The following RANBP2 variants were observed in gnomAD, a reference collection of about 807,000 sequenced individuals.
RANBP2 encodes the protein RAN binding protein 2.
RANBP2 carries 57 observed loss-of-function variants against 303.6 expected under a neutral mutation model. That is an observed-to-expected ratio of 0.19 (90% CI 0.15 to 0.23). RANBP2 has a LOEUF of 0.23. Among genes scored for constraint, RANBP2 ranks in the 10% least tolerant of loss-of-function variants. RANBP2 has a pLI of 1.00. For synonymous variants in RANBP2, 1,167 were observed against 1,301.5 expected (o/e 0.90, Z 2.23); for missense variants, 3,138 against 3,780.8 (o/e 0.83, Z 4.46).
At chr2:109,516,956 TGAG>T in the RANBP2 span, among the ~76,000 whole-genome samples, 2 of 152,048 alleles carry the variant, frequency 1.3e-5, no homozygotes, top group Non-Finnish European at 2.9e-5. Flanking sequence ...CTCAGCAAAA[TGAG>T]CCCCAGCCCA....
At chr2:109,221,542 A>G in the RANBP2 span, among the ~76,000 whole-genome samples, 19 of 148,798 alleles carry the variant, frequency 1.3e-4, no homozygotes, top group Admixed American at 1.4e-4. Flanking sequence ...CGATCGCGCC[A>G]GTGCACTCCA....
the RANBP2 span, among the ~76,000 whole-genome samples, chr2:109,063,496 G>C: frequency 5.9e-5 from 9 of 152,286 alleles, no homozygotes; most frequent in African/African-American, 2.2e-4. Context: ...AGGCCCCCGC[G>C]TGGCTGCAAG....
intron 1 of RANBP2, among the ~76,000 whole-genome samples, chr2:108,725,993 T>TA: frequency 6.6e-6 from 1 of 152,294 alleles, no homozygotes; most frequent in South Asian, 2.1e-4. Flanking sequence ...ATTGCTTTCT[T>TA]AATTTCCTTT....
At chr2:109,519,393 C>T in the RANBP2 span, among the ~76,000 whole-genome samples, 5 of 152,328 alleles carry the variant, frequency 3.3e-5, no homozygotes, top group South Asian at 2.1e-4. Flanking sequence ...GGTGAGGACA[C>T]GATCCAAACC....
chr2:109,794,697 C>A, the RANBP2 span: 27 of 743,414 alleles, frequency 3.6e-5, no homozygotes, highest in African/African-American at 6.6e-4. Flanking sequence ...GTTGAGGCGC[C>A]GGCCGGCTGG....
At chr2:108,907,974 G>A in the RANBP2 span, 323 of 1,612,446 alleles carry the variant, frequency 2.0e-4, 1 homozygote, top group African/African-American at 3.3e-3. Flanking sequence ...CACTGTCGAC[G>A]CTCCGGCTCA....
At chr2:109,459,351 C>T in the RANBP2 span, among the ~76,000 whole-genome samples, 3 of 152,144 alleles carry the variant, frequency 2.0e-5, no homozygotes, top group African/African-American at 7.2e-5. Context: ...ACTTTGTCTA[C>T]TATCCAATCT....
chr2:109,034,267 T>A, the RANBP2 span, among the ~76,000 whole-genome samples: 1 of 47,776 alleles, frequency 2.1e-5, no homozygotes, highest in Non-Finnish European at 3.8e-5. Flanking sequence ...TGAGACTCCA[T>A]CTCAAAAAAA....
At chr2:109,589,036 T>A in the RANBP2 span, among the ~76,000 whole-genome samples, 49 of 152,014 alleles carry the variant, frequency 3.2e-4, no homozygotes, top group African/African-American at 1.1e-3. Flanking sequence ...GTTTAAGTGA[T>A]TCTTCCACCT....
At chr2:108,834,459 C>T in the RANBP2 span, among the ~76,000 whole-genome samples, 12 of 152,030 alleles carry the variant, frequency 7.9e-5, no homozygotes, top group Admixed American at 5.2e-4. Flanking sequence ...AGGTGATCCA[C>T]ACGCCTTGGC....
the RANBP2 span, among the ~76,000 whole-genome samples, chr2:108,947,717 A>C: frequency 6.6e-6 from 1 of 152,066 alleles, no homozygotes; most frequent in African/African-American, 2.4e-5. Context: ...GCAGGATGCC[A>C]AGTCCTGGGG....
At chr2:108,964,380 TC>T in the RANBP2 span, among the ~76,000 whole-genome samples, 2 of 152,026 alleles carry the variant, frequency 1.3e-5, no homozygotes, top group African/African-American at 2.4e-5. Context: ...TCCAAAGCAG[TC>T]CCACTAACAG....
At chr2:109,532,779 T>G in the RANBP2 span, among the ~76,000 whole-genome samples, 1 of 151,818 alleles carries the variant, frequency 6.6e-6, no homozygotes, top group Non-Finnish European at 1.5e-5. Context: ...GTAAGGAAGT[T>G]TAGACTTAAA....
the RANBP2 span, among the ~76,000 whole-genome samples, chr2:109,000,680 T>C: frequency 6.6e-5 from 10 of 152,092 alleles, no homozygotes; most frequent in African/African-American, 2.4e-4. Flanking sequence ...GGAGAGATAA[T>C]AACAACATAT....
chr2:108,721,348 C>G (rs1450828577), intron 1 of RANBP2, among the ~76,000 whole-genome samples: 3 of 152,148 alleles, frequency 2.0e-5, no homozygotes, highest in African/African-American at 7.2e-5. Flanking sequence ...TTTCAAACTG[C>G]TAGCATAGTA....
chr2:109,178,566 C>A, the RANBP2 span, among the ~76,000 whole-genome samples: 3 of 152,182 alleles, frequency 2.0e-5, no homozygotes, highest in Non-Finnish European at 4.4e-5. Flanking sequence ...TAACCCAAAG[C>A]CTTTGGACTC....
At chr2:109,599,501 G>A in the RANBP2 span, among the ~76,000 whole-genome samples, 1 of 151,262 alleles carries the variant, frequency 6.6e-6, no homozygotes, top group Non-Finnish European at 1.5e-5. Flanking sequence ...ATTACCAAGA[G>A]TGAGCAAGAT....
chr2:109,282,012 T>C, the RANBP2 span, among the ~76,000 whole-genome samples: 1 of 151,962 alleles, frequency 6.6e-6, no homozygotes, highest in Admixed American at 6.6e-5. Flanking sequence ...AGGGCTCAGG[T>C]TCAAGATGCT....
At chr2:109,073,340 C>T in the RANBP2 span, among the ~76,000 whole-genome samples, 1 of 152,086 alleles carries the variant, frequency 6.6e-6, no homozygotes, top group Non-Finnish European at 1.5e-5. Flanking sequence ...AAGGACTGGT[C>T]ATTGGCAATC....
Sources: gnomAD v4.1 joint callset for allele counts (sites outside exome capture counted in the v4.1 genomes callset) on GRCh38, gnomAD v4.1.1 for gene constraint, MANE v1.5 for transcripts, NCBI Gene and HGNC (gene_info 2026-07-23, HGNC 2026-07-21) for gene names.